LYSMD2: variants seen among roughly 807,000 people sequenced by gnomAD.
LYSMD2 encodes the protein lysM and putative peptidoglycan-binding domain-containing protein 2.
In LYSMD2, 6 loss-of-function variants were observed where a neutral mutation model predicts 17.7. The ratio of observed to expected loss-of-function variants is 0.34; its 90% CI spans 0.19 to 0.67. LYSMD2 has a LOEUF of 0.67. LYSMD2 is among the 30% of genes least tolerant of loss of function. LYSMD2 has a pLI of 0.69. For synonymous variants in LYSMD2, 102 were observed against 129.8 expected (o/e 0.79, Z 1.45); for missense variants, 237 against 286.7 (o/e 0.83, Z 1.25).
intron 1 of LYSMD2, among the ~76,000 whole-genome samples, chr15:51,747,204 CCAACAACAA>C (rs373911081): frequency 7.2e-6 from 1 of 139,292 alleles, no homozygotes; most frequent in Non-Finnish European, 1.6e-5. Context: ...TGTCTCAAAA[CCAACAACAA>C]CAACAACAAC....
chr15:51,745,931 A>C (rs2055665537), intron 1 of LYSMD2, among the ~76,000 whole-genome samples: 1 of 152,232 alleles, frequency 6.6e-6, no homozygotes, highest in African/African-American at 2.4e-5. Context: ...TAGGATGGCT[A>C]TAATTTTAAA....
rs536609661 is a variant in LYSMD2, at chr15:51,729,489, C to T, written c.274-4368G>A. Among the ~76,000 whole-genome samples the T allele has an allele frequency of 1.4e-4, 22 of 152,320 alleles. No individual in the cohort carries two copies. The South Asian group carries it at 3.3e-3, about 23-fold the overall frequency. On this transcript the variant is annotated intron_variant, in intron 1 of 2. Transcript: ENST00000267838. ...TTTTATTGTTTTTGAGATGCAGTCT[C>T]GCTCTGTCACCCAGACTGGAGTGCA...
chr15:51,730,430 C>T (rs935310683), intron 1 of LYSMD2, among the ~76,000 whole-genome samples: 1 of 152,208 alleles, frequency 6.6e-6, no homozygotes, highest in South Asian at 2.1e-4. Context: ...GCAGGAGAAT[C>T]GCTTGAGCCT....
rs544351434 is a variant in LYSMD2, at chr15:51,725,186, C to T, written c.274-65G>A. 59 of 961,162 alleles carry T rather than the reference C, an allele frequency of 6.1e-5. No individual in the cohort carries two copies. The South Asian group carries it at 9.1e-4, about 15-fold the overall frequency. 59.5% of individuals were successfully genotyped at this position (961,162 alleles called of 1,614,324 possible). On this transcript the variant is annotated intron_variant, in intron 1 of 2. Coordinates refer to ENST00000267838, the MANE Select transcript of LYSMD2 (RefSeq NM_153374.3). Reference sequence around the variant, plus strand: ...AAGTCAAGGAGTAAGATTTATTATACAATACAGAACTACCAATATTCATAA... The same window carrying T: ...AAGTCAAGGAGTAAGATTTATTATATAATACAGAACTACCAATATTCATAA...
chr15:51,737,329 G>A lies in LYSMD2; in HGVS notation c.273+21C>T, dbSNP rs1339715089. ...TGCGCGGTAGCTGCCAGCCCGGGCC[G>A]CGGCGGCGCGCCCTGCTCACCGTGA... is the stretch of plus-strand genomic sequence containing the variant. On this transcript the variant is annotated intron_variant, in intron 1 of 2. Coordinates refer to ENST00000267838, the MANE Select transcript of LYSMD2 (RefSeq NM_153374.3). This position sits in a 1 kb window ranked among gnomAD's most constrained non-coding sequence, Gnocchi z 4.2. The A allele has an allele frequency of 8.3e-7, 1 of 1,205,908 alleles. No individual in the cohort carries two copies. The highest frequency in any genetic ancestry group is 2.0e-5 in the South Asian group (1 of 49,588). The allele number at this position is 1,205,908 out of a possible 1,614,324, so 74.7% of individuals were successfully genotyped here.
At chr15:51,747,632 T>A (rs1160939922) in intron 1 of LYSMD2, among the ~76,000 whole-genome samples, 3 of 152,260 alleles carry the variant, frequency 2.0e-5, no homozygotes, top group Non-Finnish European at 4.4e-5. Flanking sequence ...TTTTGTTATT[T>A]GTCTCTTGAA....
At chr15:51,738,132 A>AC (rs1175258231), upstream of LYSMD2, 3 of 140,496 alleles carry the variant, frequency 2.1e-5, no homozygotes, top group Non-Finnish European at 4.7e-5. Context: ...TGCCAAGGGT[A>AC]CTTCCCTCCC....
At chr15:51,743,271 C>T (rs2055652032) in intron 1 of LYSMD2, among the ~76,000 whole-genome samples, 1 of 152,174 alleles carries the variant, frequency 6.6e-6, no homozygotes, top group South Asian at 2.1e-4. Flanking sequence ...CCACTGCACC[C>T]AGTGGGCTGA....
chr15:51,741,711 G>A (rs1472744840), upstream of LYSMD2, among the ~76,000 whole-genome samples: 1 of 152,076 alleles, frequency 6.6e-6, no homozygotes, highest in Non-Finnish European at 1.5e-5. Context: ...CTTAAGGCCA[G>A]GAGTTTAAGA....
In LYSMD2 at chr15:51,737,389, G is replaced by A; in HGVS notation, c.234C>T (p.Gly78=). ...ERHVEHRVRA[G]DTLQGIALKY... is the part of the protein sequence containing the mutation. Reference sequence around the variant, plus strand: ...TGAGCGCGATGCCCTGCAGCGTGTCGCCCGCGCGGACCCGGTGCTCCACAT... The same window carrying A: ...TGAGCGCGATGCCCTGCAGCGTGTCACCCGCGCGGACCCGGTGCTCCACAT... The change falls in exon 1 of 3, where the codon GGC becomes GGT. Residue 78 remains glycine (G), a synonymous_variant. Coordinates refer to ENST00000267838, the MANE Select transcript of LYSMD2 (RefSeq NM_153374.3). This position sits in a 1 kb window ranked among gnomAD's most constrained non-coding sequence, Gnocchi z 4.2. 2 of 1,457,124 alleles carry A rather than the reference G, an allele frequency of 1.4e-6. No homozygotes were observed. The highest frequency in any genetic ancestry group is 1.8e-6 in the Non-Finnish European group (2 of 1,110,146). 90.3% of individuals were successfully genotyped at this position (1,457,124 alleles called of 1,614,324 possible). A position where few individuals can be genotyped will look rare whatever the true frequency, so the allele number is the denominator to read the frequency against.
intron 1 of LYSMD2, among the ~76,000 whole-genome samples, chr15:51,727,861 C>T (rs1252512663): frequency 2.0e-5 from 3 of 152,210 alleles, no homozygotes; most frequent in African/African-American, 7.2e-5. Flanking sequence ...TACAAGATGA[C>T]ACACAAGATG....
chr15:51,723,755 A>C, intron 2 of LYSMD2, 106 bp from the exon 3 acceptor site: 1 of 787,792 alleles, frequency 1.3e-6, no homozygotes, highest in Non-Finnish European at 2.0e-6. Flanking sequence ...GGAATATATC[A>C]ACTTAGAATA....
chr15:51,741,053 T>C (rs560961461), upstream of LYSMD2, among the ~76,000 whole-genome samples: 12 of 152,310 alleles, frequency 7.9e-5, no homozygotes, highest in African/African-American at 2.9e-4. Flanking sequence ...CTGACATTCA[T>C]ATGAAAGATA....
upstream of LYSMD2, chr15:51,737,943 G>T: frequency 5.1e-6 from 1 of 197,956 alleles, no homozygotes. The surrounding 1 kb of genome is among the most constrained non-coding windows in gnomAD (Gnocchi z 4.2). Flanking sequence ...CGGCCGTTGG[G>T]GCTAAGAGAG....
At chr15:51,750,743 AACTTG>A (rs1205973172) in intron 1 of LYSMD2, among the ~76,000 whole-genome samples, 4 of 152,104 alleles carry the variant, frequency 2.6e-5, no homozygotes, top group Non-Finnish European at 5.9e-5. Context: ...ATGCTTCAGA[AACTTG>A]ACTTTATTTT....
At chr15:51,743,163 TG>T (rs1243122533) in intron 1 of LYSMD2, among the ~76,000 whole-genome samples, 4 of 152,132 alleles carry the variant, frequency 2.6e-5, no homozygotes, top group Non-Finnish European at 2.9e-5. Context: ...TTTTTTGAGA[TG>T]GGGGTCTCAC....
At chr15:51,747,831 C>T (rs1180896639) in intron 1 of LYSMD2, among the ~76,000 whole-genome samples, 3 of 152,226 alleles carry the variant, frequency 2.0e-5, no homozygotes, top group Non-Finnish European at 4.4e-5. Context: ...TTATACTACA[C>T]ATACGATTTA....
At chr15:51,731,507 A>G (rs939612040) in intron 1 of LYSMD2, among the ~76,000 whole-genome samples, 1 of 152,208 alleles carries the variant, frequency 6.6e-6, no homozygotes, top group Non-Finnish European at 1.5e-5. Context: ...GTTAGCGGAA[A>G]TGTTAAGCAA....
At chr15:51,730,338 T>C (rs1407853939) in intron 1 of LYSMD2, among the ~76,000 whole-genome samples, 3 of 152,242 alleles carry the variant, frequency 2.0e-5, no homozygotes, top group South Asian at 2.1e-4. Context: ...TGAAACTCCA[T>C]CTCTACCAAA....
Sources: gnomAD v4.1 joint callset for allele counts (sites outside exome capture counted in the v4.1 genomes callset) on GRCh38, gnomAD v4.1.1 for gene constraint, Gnocchi (gnomAD v3.1) non-coding constraint, MANE v1.5 for transcripts, NCBI Gene and HGNC (gene_info 2026-07-23, HGNC 2026-07-21) for gene names.